Variants in PTPN13 observed in about 807,000 individuals in gnomAD.
PTPN13 encodes the protein tyrosine-protein phosphatase non-receptor type 13.
A neutral mutation model predicts 284.0 loss-of-function variants in PTPN13; 191 were observed. The ratio of observed to expected loss-of-function variants is 0.67; its 90% CI spans 0.60 to 0.76. The LOEUF (loss-of-function observed/expected upper bound fraction) is 0.76. Ranked by LOEUF, PTPN13 falls within the 30% of genes least tolerant of loss-of-function variation. The pLI is 0.00. For missense variants in PTPN13, 2,797 were observed against 2,939.9 expected (o/e 0.95, Z 1.12); for synonymous variants, 986 against 1,022.3 (o/e 0.96, Z 0.68).
At chr4:86,757,560 A>C (rs1738120349) in intron 20 of PTPN13, among the ~76,000 whole-genome samples, 1 of 152,052 alleles carries the variant, frequency 6.6e-6, no homozygotes, top group Non-Finnish European at 1.5e-5. Flanking sequence ...ACTTGAGGCC[A>C]GGAGTTCAAG....
chr4:86,764,346 A>T (rs1739039995), intron 24 of PTPN13, among the ~76,000 whole-genome samples: 1 of 152,088 alleles, frequency 6.6e-6, no homozygotes, highest in African/African-American at 2.4e-5. Flanking sequence ...TAAAATATGA[A>T]TACATTGGAC....
intron 19 of PTPN13, among the ~76,000 whole-genome samples, chr4:86,751,415 G>A (rs991656438): frequency 3.3e-5 from 5 of 152,038 alleles, no homozygotes; most frequent in Admixed American, 6.6e-5. Context: ...GCAAACTCCT[G>A]GGCCCAAGTG....
At chr4:86,612,578 C>T (rs1000706341) in intron 1 of PTPN13, among the ~76,000 whole-genome samples, 16 of 152,060 alleles carry the variant, frequency 1.1e-4, no homozygotes, top group South Asian at 4.1e-4. Flanking sequence ...TCGGAATCTC[C>T]GTGAACACAA....
chr4:86,737,407 T>A lies in PTPN13; in HGVS notation c.2304+1661T>A, dbSNP rs1188127197. On this transcript the variant is annotated intron_variant, in intron 15 of 47. Transcript: ENST00000411767. ...AAATAGTTTTATTGGAACTAGTCCA[T>A]ACTCATTTCTTTATATATCATCTAT... Among the ~76,000 whole-genome samples, 3 of 152,114 alleles carry A rather than the reference T, an allele frequency of 2.0e-5. No individual in the cohort carries two copies. In the South Asian group the frequency reaches 6.2e-4, roughly 31 times the overall value.
rs1304535146 is a variant in PTPN13, at chr4:86,635,285, A to C, written c.29A>C (p.Glu10Ala). 1 of 1,606,366 alleles carries C rather than the reference A, an allele frequency of 6.2e-7. No homozygotes were observed. The highest frequency in any genetic ancestry group is 8.5e-7 in the Non-Finnish European group (1 of 1,176,678). Residue 10 changes from glutamate to alanine, a missense_variant, in exon 2 of 48, where the codon GAG (glutamate) becomes GCG (alanine). By Grantham distance (107) the Glu-to-Ala change is moderately radical. Transcript: ENST00000411767. MHVSLAEAL[E>A]VRGGPLQEEE... ...CACGTGTCACTAGCTGAGGCCCTGG[A>C]GGTTCGGGGTGGACCACTTCAGGAG...
At chr4:86,699,170 G>A (rs545918424) in intron 6 of PTPN13, among the ~76,000 whole-genome samples, 11 of 152,034 alleles carry the variant, frequency 7.2e-5, no homozygotes, top group South Asian at 2.1e-4. Context: ...GGCAGATCAC[G>A]AGGTCAGGAG....
At chr4:86,775,720 C>T in intron 35 of PTPN13, 68 bp downstream of exon 35, 2 of 1,188,014 alleles carry the variant, frequency 1.7e-6, no homozygotes, top group Non-Finnish European at 2.4e-6. Flanking sequence ...GATTATACTT[C>T]ATTCTCTGAA....
chr4:86,776,767 T>C (rs533165164), intron 35 of PTPN13, among the ~76,000 whole-genome samples: 1 of 152,368 alleles, frequency 6.6e-6, no homozygotes, highest in African/African-American at 2.4e-5. Context: ...AATAAAGTGT[T>C]GAATATCTCA....
chr4:86,797,983 C>T (rs1345631432), intron 41 of PTPN13, among the ~76,000 whole-genome samples: 2 of 152,100 alleles, frequency 1.3e-5, no homozygotes, highest in Non-Finnish European at 2.9e-5. Flanking sequence ...GTTTAGCACA[C>T]TTTTGTAGGT....
intron 27 of PTPN13, among the ~76,000 whole-genome samples, chr4:86,767,524 G>A (rs898998166): frequency 2.0e-5 from 3 of 152,016 alleles, no homozygotes; most frequent in Admixed American, 1.3e-4. Context: ...AGGATTACCA[G>A]CATGAGCCAC....
chr4:86,718,581 G>A (rs1733284507), intron 9 of PTPN13, among the ~76,000 whole-genome samples: 1 of 152,012 alleles, frequency 6.6e-6, no homozygotes, highest in African/African-American at 2.4e-5. Flanking sequence ...CTCCCGAGTA[G>A]CTGGGATTGC....
At chr4:86,806,584 G>T (rs1270561578) in intron 44 of PTPN13, among the ~76,000 whole-genome samples, 3 of 152,088 alleles carry the variant, frequency 2.0e-5, no homozygotes, top group African/African-American at 7.2e-5. Context: ...CAGCAAAATG[G>T]CCAGTTGAAT....
intron 1 of PTPN13, among the ~76,000 whole-genome samples, chr4:86,622,108 G>T (rs957895499): frequency 6.6e-6 from 1 of 152,084 alleles, no homozygotes; most frequent in Non-Finnish European, 1.5e-5. Flanking sequence ...AACCCCCTGT[G>T]TTTTCTTCCT....
chr4:86,734,954 C>G (rs1443646929), intron 14 of PTPN13, 79 bp downstream of exon 14: 1 of 1,463,300 alleles, frequency 6.8e-7, no homozygotes, highest in African/African-American at 1.4e-5. Context: ...AAACCTGATT[C>G]AGGTGTTTGA....
intron 10 of PTPN13, among the ~76,000 whole-genome samples, chr4:86,723,049 A>AT (rs1733847841): frequency 6.6e-6 from 1 of 152,212 alleles, no homozygotes; most frequent in South Asian, 2.1e-4. Context: ...ATGACAATAT[A>AT]TTTTTATAAA....
At position 86,764,656 on chromosome 4, in the gene PTPN13, C is replaced by T. The variant is rs775316299; in HGVS notation, c.4081C>T (p.Pro1361Ser). The T allele has an allele frequency of 1.2e-6, 2 of 1,601,672 alleles. No homozygotes were observed. Among genetic ancestry groups the T allele is most frequent in the Admixed American group, 1.7e-5 (1 of 57,636 alleles). ...TTTTAAAACTTTTTCTTCATCACCT[C>T]CTAAGCCTGGAGATATCTTTGAGGT... is the stretch of plus-strand genomic sequence containing the variant. Reference protein sequence around the residue: ...MNFKTFSSSPPKPGDIFEVEL... With the variant: ...MNFKTFSSSPSKPGDIFEVEL... The change falls in exon 25 of 48, where the codon CCT (proline) becomes TCT (serine). Residue 1361 changes from proline to serine, a missense_variant. Physicochemically the swap from Pro to Ser is moderately conservative, Grantham distance 74 (BLOSUM62 -1). Coordinates refer to ENST00000411767, the MANE Select transcript of PTPN13 (RefSeq NM_080683.3).
intron 10 of PTPN13, among the ~76,000 whole-genome samples, chr4:86,731,942 C>T (rs1176634242): frequency 1.3e-5 from 2 of 152,190 alleles, no homozygotes; most frequent in East Asian, 1.9e-4. Context: ...ACATACCCTA[C>T]GATCTGTTTT....
intron 9 of PTPN13, among the ~76,000 whole-genome samples, chr4:86,720,815 T>A (rs1281379684): frequency 4.6e-5 from 7 of 152,122 alleles, no homozygotes; most frequent in Non-Finnish European, 7.4e-5. Flanking sequence ...TGCTATTGAT[T>A]TGTACCATAG....
At chr4:86,694,579 C>CAAAAAA (rs1000226646) in intron 6 of PTPN13, among the ~76,000 whole-genome samples, 12 of 32,294 alleles carry the variant, frequency 3.7e-4, no homozygotes, top group Non-Finnish European at 5.8e-4. Context: ...ACTTCTGTCT[C>CAAAAAA]AAAAAAAAAA....
Sources: allele counts gnomAD v4.1 joint callset (sites outside exome capture counted in the v4.1 genomes callset), GRCh38; gene constraint gnomAD v4.1.1; transcripts MANE v1.5; gene names NCBI Gene and HGNC (gene_info 2026-07-23, HGNC 2026-07-21).